Variants in CELF2 observed in about 807,000 individuals in gnomAD.
CELF2 encodes CUG triplet repeat RNA-binding protein 2.
CELF2 carries 8 observed loss-of-function variants against 62.6 expected under a neutral mutation model. The observed-to-expected ratio is 0.13, with a 90% CI of 0.07 to 0.23. The LOEUF is 0.23. Among genes scored for constraint, CELF2 ranks in the 10% least tolerant of loss-of-function variants. The pLI is 1.00. For synonymous variants in CELF2, 258 were observed against 250.0 expected (o/e 1.03, Z -0.30); for missense variants, 333 against 671.0 (o/e 0.50, Z 5.56).
At chr10:10,862,307 G>T in intron 1 of CELF2, among the ~76,000 whole-genome samples, 1 of 152,170 alleles carries the variant, frequency 6.6e-6, no homozygotes, top group East Asian at 1.9e-4. Context: ...GGTCTCTCAT[G>T]TAGCTGCAGT....
chr10:10,768,826 G>T, the CELF2 span, among the ~76,000 whole-genome samples: 1 of 151,882 alleles, frequency 6.6e-6, no homozygotes, highest in Non-Finnish European at 1.5e-5. Context: ...CACCCACCTC[G>T]GCCTCCCAAA....
At chr10:10,685,044 T>C in the CELF2 span, among the ~76,000 whole-genome samples, 2 of 151,964 alleles carry the variant, frequency 1.3e-5, no homozygotes, top group Non-Finnish European at 2.9e-5. Flanking sequence ...GTCAGTTTCT[T>C]AGGCATAATG....
At chr10:10,691,530 G>T in the CELF2 span, among the ~76,000 whole-genome samples, 1 of 152,052 alleles carries the variant, frequency 6.6e-6, no homozygotes, top group African/African-American at 2.4e-5. Context: ...CCAGTAATGG[G>T]ATGGGCTGGG....
the CELF2 span, among the ~76,000 whole-genome samples, chr10:10,553,129 A>G: frequency 6.6e-6 from 1 of 152,204 alleles, no homozygotes; most frequent in Admixed American, 6.5e-5. Flanking sequence ...GGCCTCAGCA[A>G]ACTTACAGTC....
At chr10:10,865,504 CACA>C (rs1457543893) in intron 1 of CELF2, among the ~76,000 whole-genome samples, 1 of 152,168 alleles carries the variant, frequency 6.6e-6, no homozygotes, top group South Asian at 2.1e-4. Flanking sequence ...GAGAGTGAGT[CACA>C]ACGAGTTTTA....
At chr10:10,577,051 G>A in the CELF2 span, among the ~76,000 whole-genome samples, 2 of 152,214 alleles carry the variant, frequency 1.3e-5, no homozygotes, top group Non-Finnish European at 2.9e-5. Flanking sequence ...TCAGAGCACA[G>A]CAGAGAAACT....
the CELF2 span, among the ~76,000 whole-genome samples, chr10:10,648,584 C>G: frequency 6.6e-6 from 1 of 152,190 alleles, no homozygotes; most frequent in Non-Finnish European, 1.5e-5. Context: ...CTGAACCATG[C>G]AAGTCTATAG....
the CELF2 span, among the ~76,000 whole-genome samples, chr10:10,481,689 G>A: frequency 6.6e-6 from 1 of 152,232 alleles, no homozygotes; most frequent in Non-Finnish European, 1.5e-5. Flanking sequence ...TTGGGAAGAA[G>A]AGAAAAGGAA....
chr10:10,917,148 G>T (rs1464317222), intron 1 of CELF2, among the ~76,000 whole-genome samples: 2 of 152,096 alleles, frequency 1.3e-5, no homozygotes, highest in Non-Finnish European at 1.5e-5. Flanking sequence ...TAAACAGGTT[G>T]GGGAACAAAC....
At chr10:10,734,102 T>C in the CELF2 span, among the ~76,000 whole-genome samples, 1 of 152,316 alleles carries the variant, frequency 6.6e-6, no homozygotes, top group African/African-American at 2.4e-5. Context: ...ATTTTTTTTT[T>C]AGCTGCATAG....
At chr10:11,327,944 C>T (rs961570247) in intron 12 of CELF2, among the ~76,000 whole-genome samples, 1 of 152,172 alleles carries the variant, frequency 6.6e-6, no homozygotes, top group African/African-American at 2.4e-5. Context: ...TAAATCAGGA[C>T]CATAGCTTCC....
At chr10:10,535,583 G>C in the CELF2 span, among the ~76,000 whole-genome samples, 5 of 152,244 alleles carry the variant, frequency 3.3e-5, no homozygotes, top group East Asian at 9.7e-4. Context: ...AGCTGGGCAT[G>C]GTGGCGGGCG....
the CELF2 span, among the ~76,000 whole-genome samples, chr10:10,482,053 T>A: frequency 6.6e-6 from 1 of 152,324 alleles, no homozygotes; most frequent in East Asian, 1.9e-4. Context: ...ATGATAGAAA[T>A]TGCTATAATA....
chr10:11,056,132 A>G (rs1594213680), intron 1 of CELF2, among the ~76,000 whole-genome samples: 2 of 152,226 alleles, frequency 1.3e-5, no homozygotes, highest in African/African-American at 4.8e-5. Context: ...GATTTTTGTT[A>G]TAGGTAGAAG....
the CELF2 span, among the ~76,000 whole-genome samples, chr10:10,581,037 T>G: frequency 6.6e-6 from 1 of 152,242 alleles, no homozygotes; most frequent in East Asian, 1.9e-4. Flanking sequence ...ATTGCCTGTA[T>G]GTCAGAGATA....
chr10:11,172,844 A>G (rs1377234845), intron 2 of CELF2, among the ~76,000 whole-genome samples: 2 of 152,244 alleles, frequency 1.3e-5, no homozygotes, highest in African/African-American at 2.4e-5. Flanking sequence ...TCTTTTCCCC[A>G]GTAGCTTTGC....
chr10:11,059,451 C>G (rs2066176575), intron 1 of CELF2, among the ~76,000 whole-genome samples: 1 of 152,104 alleles, frequency 6.6e-6, no homozygotes, highest in African/African-American at 2.4e-5. Flanking sequence ...AAAATGGGCC[C>G]TTTTCTCACC....
chr10:11,305,769 G>A lies in CELF2; in HGVS notation c.977-8370G>A, dbSNP rs552623557. ...GAACCCATCCCGTCCCCTCAGTTGG[G>A]ATTAGTGTTTGGGATTACTCAATTT... On this transcript the variant is annotated intron_variant, in intron 9 of 12. Coordinates refer to ENST00000633077, the MANE Select transcript of CELF2 (RefSeq NM_001326342.2). This position sits in a 1 kb window ranked among gnomAD's most constrained non-coding sequence, Gnocchi z 4.8. Among the ~76,000 whole-genome samples the A allele has an allele frequency of 7.2e-4, 109 of 152,334 alleles. No individual in the cohort carries two copies. The highest frequency in any genetic ancestry group is 3.4e-3 in the Middle Eastern group (1 of 294).
chr10:11,131,090 A>T (rs2059556442), intron 1 of CELF2, among the ~76,000 whole-genome samples: 1 of 152,246 alleles, frequency 6.6e-6, no homozygotes, highest in Non-Finnish European at 1.5e-5. Context: ...AGTTCTACTG[A>T]AAATACTTGA....
Sources: gnomAD v4.1 joint callset for allele counts (sites outside exome capture counted in the v4.1 genomes callset) on GRCh38, gnomAD v4.1.1 for gene constraint, Gnocchi (gnomAD v3.1) non-coding constraint, MANE v1.5 for transcripts, NCBI Gene and HGNC (gene_info 2026-07-23, HGNC 2026-07-21) for gene names.